RAPGEF4: variants seen among roughly 807,000 people sequenced by gnomAD.
RAPGEF4 encodes Rap guanine nucleotide exchange factor 4, also known as RAP guanine-nucleotide-exchange factor (GEF) 4.
RAPGEF4 carries 66 observed loss-of-function variants against 147.9 expected under a neutral mutation model. The ratio of observed to expected loss-of-function variants is 0.45; its 90% CI spans 0.37 to 0.55. The LOEUF (loss-of-function observed/expected upper bound fraction) is 0.55, where lower values mean the gene tolerates loss of function less well. Ranked by LOEUF, RAPGEF4 falls within the 20% of genes least tolerant of loss-of-function variation. RAPGEF4 has a pLI of 0.00. For synonymous variants in RAPGEF4, 419 were observed against 442.7 expected, an observed-to-expected ratio of 0.95 and a Z score of 0.67; for missense variants, 1,071 against 1,257.3, an observed-to-expected ratio of 0.85 and a Z score of 2.24.
intron 12 of RAPGEF4, 42 bp from the exon 13 acceptor site, chr2:172,988,153 GC>G (rs1692464873): frequency 1.3e-6 from 2 of 1,563,514 alleles, no homozygotes; most frequent in African/African-American, 1.4e-5. Context: ...ATATTGATGT[GC>G]TTCTATTCTT....
chr2:172,814,999 C>G (rs1365340528), intron 4 of RAPGEF4, among the ~76,000 whole-genome samples: 2 of 152,198 alleles, frequency 1.3e-5, no homozygotes, highest in African/African-American at 4.8e-5. Flanking sequence ...ACCAGAGCCC[C>G]TTAAAGTATT....
intron 4 of RAPGEF4, among the ~76,000 whole-genome samples, chr2:172,900,542 T>C (rs546537279): frequency 1.4e-4 from 22 of 152,280 alleles, no homozygotes; most frequent in Admixed American, 5.2e-4. Context: ...CCTGGCCAAT[T>C]TTTAGTTTTG....
chr2:173,000,960 GCCCACATGTGA>G (rs141159661), intron 16 of RAPGEF4, among the ~76,000 whole-genome samples: 46,181 of 151,748 alleles, frequency 0.3, 7,130 homozygotes, highest in Non-Finnish European at 0.34. Flanking sequence ...GTATGGTACT[GCCCACATGTGA>G]CCCTTTAAGT....
intron 4 of RAPGEF4, among the ~76,000 whole-genome samples, chr2:172,910,778 C>T (rs1700014845): frequency 6.6e-6 from 1 of 152,190 alleles, no homozygotes; most frequent in African/African-American, 2.4e-5. Flanking sequence ...GAGAGCATTT[C>T]GAGACCAAGT....
At chr2:172,842,473 G>T (rs1012841498) in intron 4 of RAPGEF4, among the ~76,000 whole-genome samples, 2 of 152,182 alleles carry the variant, frequency 1.3e-5, no homozygotes, top group East Asian at 3.8e-4. Flanking sequence ...GGATTGGGTT[G>T]GGGGATGAGA....
intron 4 of RAPGEF4, among the ~76,000 whole-genome samples, chr2:172,841,901 T>C (rs1229418163): frequency 6.6e-6 from 1 of 151,886 alleles, no homozygotes; most frequent in Non-Finnish European, 1.5e-5. Context: ...ACTTGAAAAG[T>C]GTGAATTTCC....
At chr2:172,960,587 GC>G (rs1392933200) in intron 6 of RAPGEF4, among the ~76,000 whole-genome samples, 172 bp from the exon 7 acceptor site, 6 of 151,698 alleles carry the variant, frequency 4.0e-5, no homozygotes, top group Non-Finnish European at 8.8e-5. Flanking sequence ...GTCTAATTTT[GC>G]CCTTTGAATG....
chr2:172,998,817 T>A (rs1161563223), intron 16 of RAPGEF4, among the ~76,000 whole-genome samples: 1 of 152,198 alleles, frequency 6.6e-6, no homozygotes, highest in African/African-American at 2.4e-5. Context: ...TGTGATTGCA[T>A]AATGCAAGAA....
rs767921390 is a variant in RAPGEF4 at position 173,005,518 on chromosome 2, G to T, written c.1658+4174G>T. Among the ~76,000 whole-genome samples, 230 of 80,360 alleles carry T rather than the reference G, an allele frequency of 2.9e-3. 1 individual carries two copies. The highest frequency in any genetic ancestry group is 5.9e-3 in the African/African-American group (123 of 20,936). The allele number at this position is 80,360 out of a possible 152,430, so 52.7% of individuals were successfully genotyped here. A position where few individuals can be genotyped will look rare whatever the true frequency, so the allele number is the denominator to read the frequency against. ...TTTTTGTTGTTGTTGTTGTTGTTTT[G>T]TGTTTTTTTTTTTTTTTTTTTTTGA... On this transcript the variant is annotated intron_variant, in intron 17 of 30. Coordinates refer to ENST00000397081, the MANE Select transcript of RAPGEF4 (RefSeq NM_007023.4).
intron 5 of RAPGEF4, among the ~76,000 whole-genome samples, chr2:172,919,499 C>T (rs1345176491): frequency 6.6e-6 from 1 of 152,090 alleles, no homozygotes; most frequent in Non-Finnish European, 1.5e-5. Flanking sequence ...TCTCTCTGGC[C>T]ACTCACATTT....
At chr2:172,782,925 A>G (rs956458285) in intron 1 of RAPGEF4, among the ~76,000 whole-genome samples, 7 of 152,114 alleles carry the variant, frequency 4.6e-5, no homozygotes, top group East Asian at 3.9e-4. Flanking sequence ...AAGCCTGATG[A>G]TCCTCTACTG....
At chr2:172,966,818 A>G (rs560883042) in intron 9 of RAPGEF4, among the ~76,000 whole-genome samples, 2 of 152,366 alleles carry the variant, frequency 1.3e-5, no homozygotes, top group East Asian at 3.9e-4. Context: ...TAAACAGTAC[A>G]TATAGAAAGA....
At chr2:172,745,606 T>C (rs1694697576) in intron 1 of RAPGEF4, among the ~76,000 whole-genome samples, 1 of 151,926 alleles carries the variant, frequency 6.6e-6, no homozygotes. Context: ...GTTTAACTTA[T>C]TCTTCTTTTT....
chr2:172,775,338 C>CT (rs1684060257), intron 1 of RAPGEF4, among the ~76,000 whole-genome samples: 1 of 152,168 alleles, frequency 6.6e-6, no homozygotes, highest in Non-Finnish European at 1.5e-5. Context: ...GGTTAGCTTT[C>CT]TTTTTATTAA....
chr2:172,897,397 AAT>A, intron 4 of RAPGEF4, among the ~76,000 whole-genome samples: 1 of 151,590 alleles, frequency 6.6e-6, no homozygotes, highest in South Asian at 2.1e-4. Flanking sequence ...GTTTTTTAAA[AAT>A]ATATATATAT....
chr2:172,872,791 A>C (rs1695396729), intron 4 of RAPGEF4, among the ~76,000 whole-genome samples: 1 of 152,154 alleles, frequency 6.6e-6, no homozygotes, highest in East Asian at 1.9e-4. Context: ...CTGTGAGTCT[A>C]TTAAACTTAT....
chr2:173,008,272 T>C (rs1694688261), intron 17 of RAPGEF4, among the ~76,000 whole-genome samples: 1 of 152,202 alleles, frequency 6.6e-6, no homozygotes, highest in Non-Finnish European at 1.5e-5. Flanking sequence ...TATCCTAGAG[T>C]TGAGCAGTTC....
intron 6 of RAPGEF4, among the ~76,000 whole-genome samples, chr2:172,935,207 G>A (rs569277565): frequency 2.0e-5 from 3 of 152,218 alleles, no homozygotes; most frequent in Admixed American, 6.5e-5. Context: ...GAAATTGGGG[G>A]CTCACAGTGG....
chr2:173,030,683 G>A (rs954930062), intron 26 of RAPGEF4, among the ~76,000 whole-genome samples: 1 of 152,148 alleles, frequency 6.6e-6, no homozygotes, highest in African/African-American at 2.4e-5. Flanking sequence ...TACTCATTTT[G>A]CTTCTGGAAG....
Sources: gnomAD v4.1 joint callset for allele counts (sites outside exome capture counted in the v4.1 genomes callset) on GRCh38, gnomAD v4.1.1 for gene constraint, MANE v1.5 for transcripts, NCBI Gene and HGNC (gene_info 2026-07-23, HGNC 2026-07-21) for gene names.